Variants in CA8 observed in about 807,000 individuals in gnomAD.
CA8 encodes the protein carbonic anhydrase-related protein.
A neutral mutation model predicts 41.4 loss-of-function variants in CA8; 22 were observed. That is an observed-to-expected ratio of 0.53 (90% CI 0.38 to 0.76). CA8 has a LOEUF of 0.76. Among genes scored for constraint, CA8 ranks in the 30% least tolerant of loss-of-function variants. The probability of loss-of-function intolerance (pLI) is 0.00; values close to 1 mark genes in which losing one functional copy is unlikely to be tolerated. For synonymous variants in CA8, 121 were observed against 130.6 expected, an observed-to-expected ratio of 0.93 and a Z score of 0.50; for missense variants, 270 against 352.8, an observed-to-expected ratio of 0.77 and a Z score of 1.88.
intron 8 of CA8, among the ~76,000 whole-genome samples, chr8:60,199,639 C>T (rs1168479733): frequency 6.6e-6 from 1 of 152,060 alleles, no homozygotes; most frequent in Non-Finnish European, 1.5e-5. Flanking sequence ...TGGCAAACTT[C>T]TTGACTGGAG....
chr8:60,270,358 C>T (rs527647958), intron 2 of CA8, among the ~76,000 whole-genome samples: 2 of 152,248 alleles, frequency 1.3e-5, no homozygotes, highest in East Asian at 3.9e-4. Flanking sequence ...CCTGGTACAC[C>T]ACCCGAAGGA....
chr8:60,267,545 G>T (rs1182966927), intron 2 of CA8, among the ~76,000 whole-genome samples: 1 of 152,122 alleles, frequency 6.6e-6, no homozygotes, highest in East Asian at 1.9e-4. Flanking sequence ...CAAATCCAAG[G>T]GGATAGTCTC....
At position 60,279,647 on chromosome 8, in the gene CA8, C is replaced by A. The variant is rs751002003; in HGVS notation, c.292+42G>T. The A allele has an allele frequency of 9.1e-6, 14 of 1,535,448 alleles. No individual in the cohort carries two copies. In the Admixed American group the frequency reaches 2.2e-4, roughly 24 times the overall value. On this transcript the variant is annotated intron_variant, in intron 2 of 8. Coordinates refer to ENST00000317995, the MANE Select transcript of CA8 (RefSeq NM_004056.6). ...TCACAGTTCAATAACTCTACGCTGA[C>A]TTCTAGTTTAAAAGACCACACAAAC...
Position 60,187,730 on chromosome 8 carries a change from A to C in CA8, c.*2291T>G, listed in dbSNP as rs2130362175. 1 of 152,340 alleles carries C rather than the reference A, an allele frequency of 6.6e-6. No individual in the cohort carries two copies. Among genetic ancestry groups the C allele is most frequent in the South Asian group, 2.1e-4 (1 of 4,834 alleles). The allele number at this position is 152,340 out of a possible 1,614,324, so 9.4% of individuals were successfully genotyped here. A position where few individuals can be genotyped will look rare whatever the true frequency, so the allele number is the denominator to read the frequency against. ...ACTTACATGTGTATAAGCTACATGAAAAATCATTTCACTTTGTTGCCTTAT... is the reference window on the plus strand; with the variant it reads ...ACTTACATGTGTATAAGCTACATGACAAATCATTTCACTTTGTTGCCTTAT... On this transcript the variant is annotated 3_prime_UTR_variant, in exon 9 of 9. Transcript: ENST00000317995.
At chr8:60,236,206 A>C (rs1585887149) in intron 3 of CA8, among the ~76,000 whole-genome samples, 1 of 152,226 alleles carries the variant, frequency 6.6e-6, no homozygotes, top group South Asian at 2.1e-4. Flanking sequence ...GTTTAAGAGC[A>C]CAGACTGAGG....
chr8:60,265,414 A>C (rs1803869542), intron 3 of CA8: 1 of 160,668 alleles, frequency 6.2e-6, no homozygotes, highest in African/African-American at 2.4e-5. Context: ...AGCAGAAGTT[A>C]ACTAAGAACG....
chr8:60,205,040 T>C (rs1040714217), intron 8 of CA8, among the ~76,000 whole-genome samples: 8 of 152,126 alleles, frequency 5.3e-5, no homozygotes, highest in African/African-American at 1.2e-4. Context: ...AAAGTACAAG[T>C]AGGGAAGAGT....
chr8:60,209,032 G>A (rs759150948), intron 7 of CA8, 113 bp from the exon 8 acceptor site: 6 of 1,202,974 alleles, frequency 5.0e-6, no homozygotes, highest in Non-Finnish European at 7.1e-6. Context: ...TTATTGAAGA[G>A]AAAATTAAAA....
chr8:60,216,616 G>C (rs988318939), intron 7 of CA8, among the ~76,000 whole-genome samples: 6 of 152,160 alleles, frequency 3.9e-5, no homozygotes, highest in Non-Finnish European at 8.8e-5. Context: ...CCTATTTCAA[G>C]GAAAAATACA....
rs192895771 is a variant in CA8 at position 60,257,357 on chromosome 8, C to T, written c.417+8568G>A. On this transcript the variant is annotated intron_variant, in intron 3 of 8. Transcript: ENST00000317995. Reference sequence around the variant, plus strand: ...CAATCCCAATCCCACCTTTGATGTTCCCCATCTCCTCCTAAAAACAGGAAA... The same window carrying T: ...CAATCCCAATCCCACCTTTGATGTTTCCCATCTCCTCCTAAAAACAGGAAA... 1.5e-3 allele frequency among the ~76,000 whole-genome samples: 221 copies of T among 152,280 alleles called. 1 individual carries two copies. The highest frequency in any genetic ancestry group is 5.2e-3 in the African/African-American group (215 of 41,554).
chr8:60,281,016 G>A, intron 1 of CA8, 32 bp downstream of exon 1: 1 of 1,521,858 alleles, frequency 6.6e-7, no homozygotes, highest in Non-Finnish European at 9.1e-7. Flanking sequence ...GCCGCCGCGG[G>A]ACCCCGGACA....
chr8:60,261,464 C>A (rs1803731143), intron 3 of CA8, among the ~76,000 whole-genome samples: 1 of 152,212 alleles, frequency 6.6e-6, no homozygotes, highest in African/African-American at 2.4e-5. Context: ...GCAAGAAAGT[C>A]AGGTTCCCCA....
rs915530062 is a variant in CA8, at chr8:60,253,074, T to TA, written c.417+12850dup. 1.8e-3 allele frequency among the ~76,000 whole-genome samples: 257 copies of TA among 144,816 alleles called. 2 individuals carry two copies. The highest frequency in any genetic ancestry group is 2.2e-3 in the East Asian group (11 of 4,978). Reference sequence around the variant, plus strand: ...GAAAAACCCCGTCTCTACACCAAAATAAAAAAAAAAATTAGCCATGCATAG... The same window carrying TA: ...GAAAAACCCCGTCTCTACACCAAAATAAAAAAAAAAAATTAGCCATGCATAG... On this transcript the variant is annotated intron_variant, in intron 3 of 8. Coordinates refer to ENST00000317995, the MANE Select transcript of CA8 (RefSeq NM_004056.6).
At chr8:60,208,293 C>A (rs1031450276) in intron 8 of CA8, 1 of 165,032 alleles carries the variant, frequency 6.1e-6, no homozygotes, top group Admixed American at 5.7e-5. Context: ...AGATATGCTC[C>A]CTCCCCTGAG....
chr8:60,225,242 C>T (rs560259569), intron 5 of CA8, among the ~76,000 whole-genome samples: 1 of 152,204 alleles, frequency 6.6e-6, no homozygotes, highest in Admixed American at 6.5e-5. Flanking sequence ...ATTGCTTAGA[C>T]TTTAGAGGAA....
intron 7 of CA8, among the ~76,000 whole-genome samples, chr8:60,214,714 G>A (rs921115983): frequency 1.3e-5 from 2 of 152,072 alleles, no homozygotes; most frequent in East Asian, 1.9e-4. Flanking sequence ...GCACTAACTC[G>A]GGCTGTCAGG....
intron 8 of CA8, among the ~76,000 whole-genome samples, chr8:60,206,631 T>TC (rs11373827): frequency 0.44 from 67,116 of 151,840 alleles, 15,392 homozygotes; most frequent in African/African-American, 0.57. Context: ...TCTGCTCCTA[T>TC]CCATCTTCAC....
At chr8:60,278,059 T>C (rs1563388549) in intron 2 of CA8, among the ~76,000 whole-genome samples, 1 of 152,172 alleles carries the variant, frequency 6.6e-6, no homozygotes, top group Non-Finnish European at 1.5e-5. Context: ...ACACACTTCA[T>C]GGTGAGAGGG....
At chr8:60,199,074 GA>G (rs569265147) in intron 8 of CA8, among the ~76,000 whole-genome samples, 9 of 136,506 alleles carry the variant, frequency 6.6e-5, no homozygotes, top group African/African-American at 1.6e-4. Flanking sequence ...CTAACAAAAG[GA>G]AAAAAAAATC....
Sources: allele counts gnomAD v4.1 joint callset (sites outside exome capture counted in the v4.1 genomes callset), GRCh38; gene constraint gnomAD v4.1.1; transcripts MANE v1.5; gene names NCBI Gene and HGNC (gene_info 2026-07-23, HGNC 2026-07-21).